Variants in MYO9A observed in about 807,000 individuals in gnomAD.
MYO9A encodes the protein myosin IXA, also known as unconventional myosin-IXa.
In MYO9A, 103 loss-of-function variants were observed where a neutral mutation model predicts 293.3. That is an observed-to-expected ratio of 0.35 (90% confidence interval 0.30 to 0.41). The LOEUF (loss-of-function observed/expected upper bound fraction) is 0.41, where lower values mean the gene tolerates loss of function less well. Ranked by LOEUF, MYO9A falls within the 10% of genes least tolerant of loss-of-function variation. The pLI, the probability that MYO9A is intolerant of heterozygous loss-of-function variation, is 1.00. For missense variants in MYO9A, 2,685 were observed against 3,033.0 expected (o/e 0.89, Z 2.69); for synonymous variants, 1,001 against 1,035.7 (o/e 0.97, Z 0.64).
Position 71,826,824 on chromosome 15 carries a change from G to A in MYO9A, c.7403C>T (p.Ala2468Val). ...PFYRAASGNE[A>V]LGMEGPLGQT... The stretch of plus-strand genomic sequence containing the variant: ...GCCCAATGGTCCTTCCATTCCCAGG[G>A]CCTCATTACCTGAGGCAGCTCGGTA... Residue 2468 changes from alanine to valine, a missense_variant, in exon 42 of 42, where the codon GCC becomes GTC. Coordinates refer to ENST00000356056, the MANE Select transcript of MYO9A (RefSeq NM_006901.4). 1 of 1,614,092 alleles carries A rather than the reference G, an allele frequency of 6.2e-7. No homozygotes were observed. The highest frequency in any genetic ancestry group is 8.5e-7 in the Non-Finnish European group (1 of 1,179,982).
intron 18 of MYO9A, among the ~76,000 whole-genome samples, chr15:71,924,174 T>C (rs2058228744): frequency 1.3e-5 from 2 of 152,108 alleles, no homozygotes; most frequent in African/African-American, 2.4e-5. Flanking sequence ...TATTGATTTC[T>C]AGTTTAATCC....
At chr15:71,874,220 T>C (rs904120107) in intron 32 of MYO9A, among the ~76,000 whole-genome samples, 3 of 152,226 alleles carry the variant, frequency 2.0e-5, no homozygotes, top group Non-Finnish European at 4.4e-5. Context: ...GAATTTTGTT[T>C]ACAAGCAAGA....
chr15:71,846,340 G>C (rs2055386123), intron 39 of MYO9A, among the ~76,000 whole-genome samples: 1 of 152,120 alleles, frequency 6.6e-6, no homozygotes, highest in Admixed American at 6.5e-5. Context: ...ACTCCTCCCA[G>C]TCTCAACATC....
At chr15:72,010,272 A>T (rs1170148484) in intron 7 of MYO9A, 78 bp downstream of exon 7, 17 of 1,185,668 alleles carry the variant, frequency 1.4e-5, no homozygotes, top group Middle Eastern at 2.0e-4. Context: ...CTATTTAAAA[A>T]GGTCAACGGC....
At position 72,096,594 on chromosome 15, in the gene MYO9A, A is replaced by G. The variant is rs569902602; in HGVS notation, c.-72+21086T>C. ...TTTCCCACCTGCTAACACAACATCC[A>G]CTCTGCAGCCCATGGATCAAGGAGT... On this transcript the variant is annotated intron_variant, in intron 1 of 41. Transcript: ENST00000356056. 3.3e-5 allele frequency among the ~76,000 whole-genome samples: 5 copies of G among 152,248 alleles called. No individual in the cohort carries two copies. The East Asian group carries it at 9.6e-4, about 29-fold the overall frequency.
At chr15:71,965,099 A>G (rs2075839636) in intron 13 of MYO9A, among the ~76,000 whole-genome samples, 1 of 151,738 alleles carries the variant, frequency 6.6e-6, no homozygotes, top group African/African-American at 2.4e-5. Flanking sequence ...AATGTTCAGT[A>G]TAAAATATTA....
chr15:71,998,174 T>C (rs2076754063), intron 9 of MYO9A, among the ~76,000 whole-genome samples: 1 of 152,130 alleles, frequency 6.6e-6, no homozygotes, highest in Non-Finnish European at 1.5e-5. Flanking sequence ...TTGCAGGAAT[T>C]TGGATGAAGC....
intron 1 of MYO9A, among the ~76,000 whole-genome samples, chr15:72,084,920 A>T (rs1018714922): frequency 6.6e-6 from 1 of 152,158 alleles, no homozygotes; most frequent in African/African-American, 2.4e-5. Context: ...CAACTCTTTC[A>T]GGGACACCAA....
Position 72,046,587 on chromosome 15 carries a change from G to C in MYO9A, c.-24C>G, listed in dbSNP as rs371990490. The stretch of plus-strand genomic sequence containing the variant: ...ATATTGGATCCTGTCCCATCAGCAT[G>C]GATAGTATATGTTCAAAGTCGTGCA... On this transcript the variant is annotated 5_prime_UTR_variant, in exon 2 of 42. Coordinates refer to ENST00000356056, the MANE Select transcript of MYO9A (RefSeq NM_006901.4). 3.4e-5 allele frequency: 53 copies of C among 1,543,064 alleles called. No homozygotes were observed. The highest frequency in any genetic ancestry group is 4.3e-5 in the Non-Finnish European group (49 of 1,146,872).
chr15:71,837,880 T>C (rs943292787), intron 39 of MYO9A, among the ~76,000 whole-genome samples: 2 of 152,162 alleles, frequency 1.3e-5, no homozygotes, highest in African/African-American at 4.8e-5. Context: ...CACTAAATTA[T>C]TAACAGTAGT....
Position 72,069,008 on chromosome 15 carries a change from T to C in MYO9A, c.-71-22374A>G, listed in dbSNP as rs544502716. Among the ~76,000 whole-genome samples the C allele has an allele frequency of 3.0e-4, 45 of 152,314 alleles. 1 individual carries two copies. The highest frequency in any genetic ancestry group is 9.1e-4 in the African/African-American group (38 of 41,568). On this transcript the variant is annotated intron_variant, in intron 1 of 41. Coordinates refer to ENST00000356056, the MANE Select transcript of MYO9A (RefSeq NM_006901.4). Reference sequence around the variant, plus strand: ...TTGTCTAAGGTTACAGGCCAGTACATGGCAGAGCTAGGATGTGCACATCAG... The same window carrying C: ...TTGTCTAAGGTTACAGGCCAGTACACGGCAGAGCTAGGATGTGCACATCAG...
Position 71,999,951 on chromosome 15 carries a change from G to T in MYO9A, c.1381-11C>A, listed in dbSNP as rs1459751483. On this transcript the variant is annotated splice_polypyrimidine_tract_variant and intron_variant, in intron 8 of 41. Coordinates refer to ENST00000356056, the MANE Select transcript of MYO9A (RefSeq NM_006901.4). ...CATCTCTTCTTTAACCTATAAAACA[G>T]AAAAGTAAACTCAATATGTAAGATT... The T allele has an allele frequency of 1.3e-6, 2 of 1,594,386 alleles. No homozygotes were observed. The highest frequency in any genetic ancestry group is 1.7e-6 in the Non-Finnish European group (2 of 1,168,684).
At chr15:71,952,654 G>A (rs2059078257) in intron 14 of MYO9A, among the ~76,000 whole-genome samples, 1 of 152,132 alleles carries the variant, frequency 6.6e-6, no homozygotes, top group Admixed American at 6.6e-5. Context: ...TAGGGTGGTG[G>A]TTGTGTAACA....
At chr15:72,077,315 G>A (rs908403736) in intron 1 of MYO9A, among the ~76,000 whole-genome samples, 4 of 152,072 alleles carry the variant, frequency 2.6e-5, no homozygotes, top group Admixed American at 6.6e-5. Flanking sequence ...AAAAGGCACC[G>A]TTAAGAGAAT....
At position 71,899,981 on chromosome 15, in the gene MYO9A, T is replaced by C; in HGVS notation, c.3176A>G (p.Gln1059Arg). 1 of 1,609,886 alleles carries C rather than the reference T, an allele frequency of 6.2e-7. No individual in the cohort carries two copies. Among genetic ancestry groups the C allele is most frequent in the Non-Finnish European group, 8.5e-7 (1 of 1,176,492 alleles). Reference sequence around the variant, plus strand: ...CACAGCTGCATCTCTGACTTGCTTCTGATTTAGGTAATTCCTCCAGAATCT... The same window carrying C: ...CACAGCTGCATCTCTGACTTGCTTCCGATTTAGGTAATTCCTCCAGAATCT... ...IQRFWRNYLNQKQVRDAAVQK... is the reference protein window; with the variant it reads ...IQRFWRNYLNRKQVRDAAVQK... The change falls in exon 24 of 42, where the codon CAG becomes CGG. Residue 1059 changes from glutamine (Q) to arginine (R), a missense_variant. Coordinates refer to ENST00000356056, the MANE Select transcript of MYO9A (RefSeq NM_006901.4).
At chr15:72,022,469 C>T (rs975862995) in intron 4 of MYO9A, among the ~76,000 whole-genome samples, 3 of 151,224 alleles carry the variant, frequency 2.0e-5, no homozygotes, top group South Asian at 4.2e-4. Flanking sequence ...TGCAGTGAGC[C>T]GAGATCACGC....
At chr15:71,851,980 A>G in intron 36 of MYO9A, 152 bp downstream of exon 36, 5 of 875,788 alleles carry the variant, frequency 5.7e-6, no homozygotes, top group Non-Finnish European at 6.3e-6. Flanking sequence ...AATAGGTGAC[A>G]GTATACTAGC....
intron 1 of MYO9A, among the ~76,000 whole-genome samples, chr15:72,089,791 C>CA (rs960110956): frequency 6.6e-6 from 1 of 151,166 alleles, no homozygotes; most frequent in East Asian, 1.9e-4. Flanking sequence ...AAAACAAAAG[C>CA]AAAAAAAACA....
Position 71,968,115 on chromosome 15 carries a change from C to A in MYO9A, c.1855G>T (p.Ala619Ser). The A allele has an allele frequency of 6.4e-7, 1 of 1,571,642 alleles. No homozygotes were observed. Among genetic ancestry groups the A allele is most frequent in the Non-Finnish European group, 8.6e-7 (1 of 1,161,738 alleles). ...TTGTCTAGCAATGTTTGATTTGTAG[C>A]CTGTGGAAAGCTGAATTAAAAAAAA... Reference protein sequence around the residue: ...LLDEESNFPQATNQTLLDKFK... With the variant: ...LLDEESNFPQSTNQTLLDKFK... The change falls in exon 13 of 42, where the codon GCT becomes TCT. Residue 619 changes from alanine to serine, a missense_variant. Coordinates refer to ENST00000356056, the MANE Select transcript of MYO9A (RefSeq NM_006901.4).
Sources: gnomAD v4.1 joint callset for allele counts (sites outside exome capture counted in the v4.1 genomes callset) on GRCh38, gnomAD v4.1.1 for gene constraint, MANE v1.5 for transcripts, NCBI Gene and HGNC (gene_info 2026-07-23, HGNC 2026-07-21) for gene names.